Variants in SMARCA2 observed in about 807,000 individuals in gnomAD.
SMARCA2 encodes the protein SWI/SNF related BAF chromatin remodeling complex subunit ATPase 2, also known as SWI/SNF-related matrix-associated actin-dependent regulator of chromatin subfamily A member 2.
A neutral mutation model predicts 199.8 loss-of-function variants in SMARCA2; 61 were observed. The ratio of observed to expected loss-of-function variants is 0.31; its 90% CI spans 0.25 to 0.38. The LOEUF (loss-of-function observed/expected upper bound fraction) is 0.38, where lower values mean the gene tolerates loss of function less well. SMARCA2 is among the 10% of genes least tolerant of loss of function. The pLI is 1.00. For synonymous variants in SMARCA2, 935 were observed against 732.0 expected, an observed-to-expected ratio of 1.28 and a Z score of -4.48; for missense variants, 1,344 against 2,012.2, an observed-to-expected ratio of 0.67 and a Z score of 6.35.
intron 32 of SMARCA2, among the ~76,000 whole-genome samples, chr9:2,187,495 G>C (rs1827552804): frequency 6.6e-6 from 1 of 152,054 alleles, no homozygotes; most frequent in African/African-American, 2.4e-5. Flanking sequence ...AACATAGCAA[G>C]ACCCTATCTC....
intron 26 of SMARCA2, among the ~76,000 whole-genome samples, chr9:2,122,376 C>T (rs532461354): frequency 7.2e-5 from 11 of 152,158 alleles, no homozygotes; most frequent in South Asian, 6.2e-4. Flanking sequence ...GGTTGCCTCA[C>T]GAAGCCCCTC....
chr9:2,174,817 G>A (rs1826448484), intron 29 of SMARCA2, among the ~76,000 whole-genome samples: 2 of 150,434 alleles, frequency 1.3e-5, no homozygotes, highest in African/African-American at 4.9e-5. Flanking sequence ...CTACTTAGGA[G>A]GCTGAGATGG....
chr9:2,081,484 T>C (rs1304500226), intron 14 of SMARCA2, among the ~76,000 whole-genome samples: 1 of 152,204 alleles, frequency 6.6e-6, no homozygotes, highest in East Asian at 1.9e-4. Context: ...TGCCTTCACA[T>C]TGGCTTTTTA....
At chr9:2,073,015 C>T (rs1026689309) in intron 10 of SMARCA2, 197 bp from the exon 11 acceptor site, 1 of 576,748 alleles carries the variant, frequency 1.7e-6, no homozygotes, top group Admixed American at 3.3e-5. Flanking sequence ...ATCTTAGCTA[C>T]CAGGGAGGCA....
chr9:2,052,069 T>C (rs533980104), intron 5 of SMARCA2, among the ~76,000 whole-genome samples: 27 of 152,228 alleles, frequency 1.8e-4, no homozygotes, highest in Admixed American at 5.9e-4. Context: ...TGAACAATTT[T>C]GCCAAAAGAG....
chr9:2,117,278 C>T (rs1422311111), intron 25 of SMARCA2, among the ~76,000 whole-genome samples: 2 of 152,018 alleles, frequency 1.3e-5, no homozygotes, highest in African/African-American at 4.8e-5. Context: ...AATTGAAGAG[C>T]ACTTTTGTAT....
At chr9:2,034,905 A>G (rs1563720944) in intron 3 of SMARCA2, among the ~76,000 whole-genome samples, 1 of 152,210 alleles carries the variant, frequency 6.6e-6, no homozygotes, top group Non-Finnish European at 1.5e-5. Flanking sequence ...TACAAGAAGA[A>G]CAGATTTGAC....
At chr9:2,129,194 G>A (rs1823828615) in intron 27 of SMARCA2, among the ~76,000 whole-genome samples, 1 of 152,140 alleles carries the variant, frequency 6.6e-6, no homozygotes, top group South Asian at 2.1e-4. Context: ...CGAGGCGGGT[G>A]GAACATGAGG....
chr9:2,030,853 G>T (rs1819033144), intron 2 of SMARCA2, among the ~76,000 whole-genome samples: 1 of 152,154 alleles, frequency 6.6e-6, no homozygotes. Context: ...GTCAGTTTTA[G>T]GGTAGGGCAT....
chr9:2,130,932 T>C (rs968401105), intron 27 of SMARCA2, among the ~76,000 whole-genome samples: 1 of 152,212 alleles, frequency 6.6e-6, no homozygotes, highest in Admixed American at 6.5e-5. Flanking sequence ...GCAGTCATCA[T>C]TATTGAGCCA....
chr9:2,096,706 A>G lies in SMARCA2; in HGVS notation c.2933A>G (p.Tyr978Cys). ...ATGTCAGCTCTGCAGAAGATTCTGT[A>G]TCGCCATATGCAAGCCAAGGGGATC... ...CDMSALQKILYRHMQAKGILL... is the reference protein window; with the variant it reads ...CDMSALQKILCRHMQAKGILL... The change falls in exon 20 of 34, where the codon TAT becomes TGT. Residue 978 changes from tyrosine to cysteine, a missense_variant. Around this residue, in one of 18 missense-constraint regions of SMARCA2, gnomAD observed 98 missense variants for 245.6 expected, o/e 0.40. Coordinates refer to ENST00000349721, the MANE Select transcript of SMARCA2 (RefSeq NM_003070.5). 6.2e-7 allele frequency: 1 copy of G among 1,614,048 alleles called. No homozygotes were observed. The highest frequency in any genetic ancestry group is 8.5e-7 in the Non-Finnish European group (1 of 1,179,882).
chr9:2,167,903 G>C (rs1266673800), intron 28 of SMARCA2, among the ~76,000 whole-genome samples: 5 of 152,154 alleles, frequency 3.3e-5, no homozygotes, highest in African/African-American at 4.8e-5. Context: ...TAGCTGGCCT[G>C]GGGAATTCAG....
At position 2,181,854 on chromosome 9, in the gene SMARCA2, C is replaced by T. The variant is rs2281785; in HGVS notation, c.4359+178C>T. Among the ~76,000 whole-genome samples the T allele has an allele frequency of 0.18, 27,173 of 152,128 alleles. 2,795 individuals carry two copies. The highest frequency in any genetic ancestry group is 0.24 in the Non-Finnish European group (16,322 of 67,992). The stretch of plus-strand genomic sequence containing the variant: ...GTTACTTAATCATGTTGAGAGCTCA[C>T]GTTATATTGCATTTTATTGAAGAGC... On this transcript the variant is annotated intron_variant, in intron 30 of 33. Transcript: ENST00000349721.
chr9:2,082,108 A>G, intron 15 of SMARCA2, 113 bp downstream of exon 15: 5 of 844,318 alleles, frequency 5.9e-6, no homozygotes, highest in Non-Finnish European at 9.1e-6. Flanking sequence ...ACTAACCTAA[A>G]TCCAGATTAC....
At chr9:2,041,377 G>A (rs1301328840) in intron 4 of SMARCA2, 1 of 398,514 alleles carries the variant, frequency 2.5e-6, no homozygotes, top group Non-Finnish European at 4.4e-6. Context: ...CAGATTCAGT[G>A]TCTGGTGAGG....
intron 9 of SMARCA2, among the ~76,000 whole-genome samples, chr9:2,066,840 A>G (rs191377837): frequency 6.6e-6 from 1 of 152,370 alleles, no homozygotes; most frequent in Non-Finnish European, 1.5e-5. Flanking sequence ...ACATTTCTTT[A>G]GGTGCTTAGA....
Position 2,110,194 on chromosome 9 carries a change from C to T in SMARCA2, c.3293-60C>T. The T allele has an allele frequency of 1.4e-6, 2 of 1,390,392 alleles. No individual in the cohort carries two copies. Among genetic ancestry groups the T allele is most frequent in the Admixed American group, 2.2e-5 (1 of 46,292 alleles). 86.1% of individuals were successfully genotyped at this position (1,390,392 alleles called of 1,614,324 possible). ...TTGAAGGAAGCAAGCCTTTTTGTCT[C>T]ATTCTGTGCCATTTTCAGACAAGAG... On this transcript the variant is annotated intron_variant, in intron 23 of 33. Transcript: ENST00000349721. This position sits in a 1 kb window ranked among gnomAD's most constrained non-coding sequence, Gnocchi z 4.8.
intron 3 of SMARCA2, among the ~76,000 whole-genome samples, chr9:2,038,751 G>T (rs2130241761): frequency 6.6e-6 from 1 of 151,988 alleles, no homozygotes; most frequent in South Asian, 2.1e-4. Context: ...TAAATTACTA[G>T]TACTCAATCC....
intron 27 of SMARCA2, among the ~76,000 whole-genome samples, chr9:2,158,079 A>G (rs925864671): frequency 6.7e-6 from 1 of 149,698 alleles, no homozygotes; most frequent in Admixed American, 6.8e-5. Context: ...GCTAGTTTGC[A>G]TCTCGTTCTT....
Sources: gnomAD v4.1 joint callset for allele counts (sites outside exome capture counted in the v4.1 genomes callset) on GRCh38, gnomAD v4.1.1 for gene constraint, gnomAD v4.1.1 regional missense constraint, Gnocchi (gnomAD v3.1) non-coding constraint, MANE v1.5 for transcripts, NCBI Gene and HGNC (gene_info 2026-07-23, HGNC 2026-07-21) for gene names.